The following NELL1 variants were observed in gnomAD, a reference collection of about 807,000 sequenced individuals.
NELL1 encodes the protein protein kinase C-binding protein NELL1.
Under a neutral mutation model 107.4 loss-of-function variants are expected in NELL1, and 76 were observed. The observed-to-expected ratio is 0.71, with a 90% CI of 0.59 to 0.86. NELL1 has a LOEUF of 0.86. Ranked by LOEUF, NELL1 falls within the 40% of genes least tolerant of loss-of-function variation. The pLI is 0.00. For missense variants in NELL1, 1,024 were observed against 1,005.5 expected (o/e 1.02, Z -0.25); for synonymous variants, 353 against 341.2 (o/e 1.03, Z -0.38).
chr11:20,715,333 A>G (rs1473249581), intron 2 of NELL1, among the ~76,000 whole-genome samples: 1 of 151,418 alleles, frequency 6.6e-6, no homozygotes, highest in East Asian at 1.9e-4. Flanking sequence ...AATGATTTCA[A>G]ATACCTAAAA....
At chr11:20,867,026 C>A (rs577919909) in intron 4 of NELL1, among the ~76,000 whole-genome samples, 13 of 152,236 alleles carry the variant, frequency 8.5e-5, no homozygotes, top group Admixed American at 1.3e-4. Context: ...CTTTAAGGAG[C>A]TCACATCTAA....
chr11:21,289,268 C>T (rs1007697028), intron 14 of NELL1, among the ~76,000 whole-genome samples: 5 of 152,226 alleles, frequency 3.3e-5, no homozygotes, highest in Admixed American at 2.6e-4. Context: ...CCAGCAAGAT[C>T]AATGCAGAAG....
chr11:21,101,791 C>T (rs1399366433), intron 12 of NELL1, among the ~76,000 whole-genome samples: 3 of 152,082 alleles, frequency 2.0e-5, no homozygotes, highest in Non-Finnish European at 4.4e-5. Context: ...CTGTAGGTTG[C>T]CTGTTCACTC....
At chr11:20,912,123 A>G (rs1252319264) in intron 5 of NELL1, among the ~76,000 whole-genome samples, 1 of 152,188 alleles carries the variant, frequency 6.6e-6, no homozygotes, top group African/African-American at 2.4e-5. Flanking sequence ...TGTTGCCTTT[A>G]TAGGCAAAGT....
At chr11:20,882,118 A>C (rs772150582) in intron 4 of NELL1, among the ~76,000 whole-genome samples, 7 of 152,250 alleles carry the variant, frequency 4.6e-5, no homozygotes, top group Non-Finnish European at 1.0e-4. Flanking sequence ...CTCAGGGACC[A>C]GCAGCCTTTG....
intron 12 of NELL1, among the ~76,000 whole-genome samples, chr11:21,093,313 T>G (rs550570262): frequency 6.6e-6 from 1 of 152,332 alleles, no homozygotes; most frequent in Non-Finnish European, 1.5e-5. Flanking sequence ...TCTTTGCCAT[T>G]TGGGCAGAGT....
chr11:21,177,029 A>G (rs918468401), intron 13 of NELL1, among the ~76,000 whole-genome samples: 1 of 151,926 alleles, frequency 6.6e-6, no homozygotes. Flanking sequence ...CAATACATGT[A>G]TACATTATGG....
chr11:20,751,646 TAA>T lies in NELL1; in HGVS notation c.185-32017_185-32016del, dbSNP rs56008564. On this transcript the variant is annotated intron_variant, in intron 2 of 19. Transcript: ENST00000357134. Reference sequence around the variant, plus strand: ...CACATGCCACCATGCCTGGCTAAGTTAAAAAAAAAAAAAAAAAACTCTTTTTA... The same window carrying T: ...CACATGCCACCATGCCTGGCTAAGTTAAAAAAAAAAAAAAAACTCTTTTTA... Among the ~76,000 whole-genome samples the T allele has an allele frequency of 8.3e-4, 122 of 147,670 alleles. 1 individual carries two copies. The highest frequency in any genetic ancestry group is 8.1e-4 in the Admixed American group (12 of 14,860).
At chr11:21,549,753 T>A (rs1181783454) in intron 16 of NELL1, among the ~76,000 whole-genome samples, 1 of 151,850 alleles carries the variant, frequency 6.6e-6, no homozygotes, top group Non-Finnish European at 1.5e-5. Context: ...GTATTAAAGA[T>A]TTTAAAAACG....
In NELL1 at chr11:21,155,544, A is replaced by G. The variant is rs114003043; in HGVS notation, c.1426+41830A>G. Among the ~76,000 whole-genome samples, 533 of 152,272 alleles carry G rather than the reference A, an allele frequency of 3.5e-3. 2 individuals carry two copies. Among genetic ancestry groups the G allele is most frequent in the African/African-American group, 0.012 (514 of 41,538 alleles). On this transcript the variant is annotated intron_variant, in intron 13 of 19. Transcript: ENST00000357134. ...ACAACAGAAACATTATTTTCTTGAA[A>G]TGAAGGAGACAAGTTTTCAGAGACA...
At chr11:21,082,919 T>G (rs1565049940) in intron 12 of NELL1, among the ~76,000 whole-genome samples, 1 of 152,240 alleles carries the variant, frequency 6.6e-6, no homozygotes, top group Non-Finnish European at 1.5e-5. Flanking sequence ...TGCTACTCTT[T>G]ATTTTTCCTG....
chr11:21,505,630 CAT>C (rs2133937668), intron 15 of NELL1, among the ~76,000 whole-genome samples: 2 of 152,278 alleles, frequency 1.3e-5, no homozygotes, highest in East Asian at 3.9e-4. Context: ...TACCTAGAGT[CAT>C]CTTTTAGCTT....
chr11:20,669,623 A>C lies in NELL1; in HGVS notation c.-101A>C. The C allele has an allele frequency of 1.0e-6, 1 of 999,870 alleles. No homozygotes were observed. Among genetic ancestry groups the C allele is most frequent in the Non-Finnish European group, 1.5e-6 (1 of 650,402 alleles). The allele number at this position is 999,870 out of a possible 1,614,324, so 61.9% of individuals were successfully genotyped here. The stretch of plus-strand genomic sequence containing the variant: ...CGAGCCACCTCCCCCGCCGCCCGCT[A>C]GCAAGTTTGGCGGCTCCAAGCCAGG... On this transcript the variant is annotated 5_prime_UTR_variant, in exon 1 of 20. Transcript: ENST00000357134. The surrounding 1 kb of genome is among the most constrained non-coding windows in gnomAD (Gnocchi z 4.4).
intron 13 of NELL1, among the ~76,000 whole-genome samples, chr11:21,201,977 C>T (rs772903784): frequency 3.9e-5 from 6 of 152,112 alleles, no homozygotes; most frequent in Non-Finnish European, 5.9e-5. Context: ...GGGGTGAAGC[C>T]GACTTGATCG....
At chr11:21,356,028 A>T (rs143358597) in intron 14 of NELL1, among the ~76,000 whole-genome samples, 89 of 152,112 alleles carry the variant, frequency 5.9e-4, no homozygotes, top group African/African-American at 2.1e-3. Context: ...CTTTTCAGTG[A>T]TCACCCGTTA....
chr11:21,198,434 G>A (rs1277929943), intron 13 of NELL1, among the ~76,000 whole-genome samples: 1 of 152,184 alleles, frequency 6.6e-6, no homozygotes, highest in Non-Finnish European at 1.5e-5. Flanking sequence ...CATAGGGACT[G>A]GGAGATATTA....
chr11:21,499,689 G>A (rs914165340), intron 15 of NELL1, among the ~76,000 whole-genome samples: 3 of 152,030 alleles, frequency 2.0e-5, no homozygotes, highest in Non-Finnish European at 4.4e-5. Context: ...CTGCCCTTAG[G>A]GAGAGAGGAT....
At chr11:20,889,737 A>G (rs150369745) in intron 5 of NELL1, among the ~76,000 whole-genome samples, 25 of 152,316 alleles carry the variant, frequency 1.6e-4, no homozygotes, top group African/African-American at 5.8e-4. Context: ...AAGGAGGAAC[A>G]GTGCGGTGCG....
intron 12 of NELL1, among the ~76,000 whole-genome samples, chr11:21,106,881 A>G (rs913642001): frequency 6.6e-6 from 1 of 152,316 alleles, no homozygotes; most frequent in South Asian, 2.1e-4. Flanking sequence ...TCCCAGTGCA[A>G]TGATTATCTG....
Sources: gnomAD v4.1 joint callset for allele counts (sites outside exome capture counted in the v4.1 genomes callset) on GRCh38, gnomAD v4.1.1 for gene constraint, Gnocchi (gnomAD v3.1) non-coding constraint, MANE v1.5 for transcripts, NCBI Gene and HGNC (gene_info 2026-07-23, HGNC 2026-07-21) for gene names.